CD22: variants seen among roughly 807,000 people sequenced by gnomAD.
CD22 encodes CD22 molecule, also known as B-cell receptor CD22.
A neutral mutation model predicts 94.7 loss-of-function variants in CD22; 51 were observed. That is an observed-to-expected ratio of 0.54 (90% CI 0.43 to 0.68). The LOEUF is 0.68. CD22 is among the 30% of genes least tolerant of loss of function. The probability of loss-of-function intolerance (pLI) is 0.00; values close to 1 mark genes in which losing one functional copy is unlikely to be tolerated. For synonymous variants in CD22, 424 were observed against 422.5 expected (o/e 1.00, Z -0.04); for missense variants, 931 against 1,060.4 (o/e 0.88, Z 1.69).
intron 9 of CD22, among the ~76,000 whole-genome samples, chr19:35,342,535 C>T (rs1419515860): frequency 6.6e-6 from 1 of 152,072 alleles, no homozygotes; most frequent in African/African-American, 2.4e-5. Context: ...CCTTCCAGAC[C>T]AGCTGGCCCC....
In CD22 at chr19:35,345,097, G is replaced by A. The variant is rs148431287; in HGVS notation, c.2179G>A (p.Gly727Ser). Residue 727 changes from glycine (G) to serine (S), a missense_variant, in exon 11 of 14, where the codon GGC becomes AGC. Gly to Ser is a moderately conservative substitution (Grantham distance 56, BLOSUM62 0). Coordinates refer to ENST00000085219, the MANE Select transcript of CD22 (RefSeq NM_001771.4). ...GCAGGGGCTTCAGGAGAATTCCAGC[G>A]GCCAGAGCTTCTTTGTGAGGAATAA... ...SQQGLQENSS[G>S]QSFFVRNKKV... 499 of 1,613,964 alleles carry A rather than the reference G, an allele frequency of 3.1e-4. 5 individuals are homozygous for A. In the South Asian group the frequency reaches 4.2e-3, roughly 13 times the overall value.
intron 13 of CD22, 119 bp from the exon 14 acceptor site, chr19:35,346,447 C>G (rs1045328207): frequency 1.4e-6 from 2 of 1,388,408 alleles, no homozygotes; most frequent in Non-Finnish European, 2.0e-6. Context: ...TTTCCTGACA[C>G]GAGGACACCC....
At chr19:35,334,903 C>T (rs921276127) in intron 3 of CD22, among the ~76,000 whole-genome samples, 8 of 151,644 alleles carry the variant, frequency 5.3e-5, no homozygotes, top group African/African-American at 1.9e-4. Flanking sequence ...ACAGTGAAAC[C>T]CTGTCTCTAC....
At chr19:35,331,811 C>A in intron 1 of CD22, 1 of 970,138 alleles carries the variant, frequency 1.0e-6, no homozygotes, top group Non-Finnish European at 1.4e-6. Flanking sequence ...CACACCACTG[C>A]ACTCTAGCCT....
In CD22 at chr19:35,329,194, G is replaced by A. The variant is rs1172079649; in HGVS notation, c.-59G>A. 8.5e-6 allele frequency: 11 copies of A among 1,289,470 alleles called. No homozygotes were observed. The highest frequency in any genetic ancestry group is 1.1e-5 in the Non-Finnish European group (11 of 988,686). The allele number at this position is 1,289,470 out of a possible 1,614,324, so 79.9% of individuals were successfully genotyped here. ...ACTTCTCCTTTTGCTCTCAGATGCT[G>A]CCAGGGTCCCTGAAGAGGGAAGACA... On this transcript the variant is annotated 5_prime_UTR_variant, in exon 1 of 14. Coordinates refer to ENST00000085219, the MANE Select transcript of CD22 (RefSeq NM_001771.4).
At chr19:35,339,858 A>T (rs574482619) in intron 6 of CD22, among the ~76,000 whole-genome samples, 6 of 152,256 alleles carry the variant, frequency 3.9e-5, no homozygotes, top group African/African-American at 1.2e-4. Flanking sequence ...GTCTCCAAAA[A>T]AAAAGAATAA....
chr19:35,334,821 G>C (rs1049686292), intron 3 of CD22, among the ~76,000 whole-genome samples: 2 of 151,952 alleles, frequency 1.3e-5, no homozygotes, highest in African/African-American at 2.4e-5. Context: ...GCTCACGCCT[G>C]TAATCCCAGA....
In CD22 at chr19:35,332,562, C is replaced by T. The variant is rs1402165599; in HGVS notation, c.50C>T (p.Ala17Val). 8 of 1,612,898 alleles carry T rather than the reference C, an allele frequency of 5.0e-6. No individual in the cohort carries two copies. Among genetic ancestry groups the T allele is most frequent in the Non-Finnish European group, 6.8e-6 (8 of 1,179,502 alleles). Residue 17 changes from alanine to valine, a missense_variant, in exon 3 of 14, where the codon GCT (alanine) becomes GTT (valine). Coordinates refer to ENST00000085219, the MANE Select transcript of CD22 (RefSeq NM_001771.4). Reference protein sequence around the residue: ...WLLLLVLEYLAFSDSSKWVFE... With the variant: ...WLLLLVLEYLVFSDSSKWVFE... ...CTGTGGTGAGTTCTAGAATACTTGG[C>T]TTTCTCTGACTCAAGTAAATGGGTT...
Position 35,332,710 on chromosome 19 carries a change from G to C in CD22, c.198G>C (p.Lys66Asn), listed in dbSNP as rs754753405. 2.5e-6 allele frequency: 4 copies of C among 1,614,002 alleles called. No homozygotes were observed. Among genetic ancestry groups the C allele is most frequent in the Non-Finnish European group, 3.4e-6 (4 of 1,180,040 alleles). ...FILFHNPEYNKNTSKFDGTRL... is the reference protein window; with the variant it reads ...FILFHNPEYNNNTSKFDGTRL... ...TGTTCCACAATCCTGAGTATAACAA[G>C]AACACCTCGAAGTTTGATGGGACAA... is the stretch of plus-strand genomic sequence containing the variant. Residue 66 changes from lysine (K) to asparagine (N), a missense_variant, in exon 3 of 14, where the codon AAG becomes AAC. Transcript: ENST00000085219.
At chr19:35,344,585 A>C (rs1480389634) in intron 9 of CD22, 1 of 482,110 alleles carries the variant, frequency 2.1e-6, no homozygotes, top group East Asian at 3.4e-5. Context: ...GGTGCGGGTC[A>C]CAGGCTCTGG....
At chr19:35,342,053 C>CCTTCCTTT in intron 9 of CD22, 88 bp downstream of exon 9, 4 of 922,744 alleles carry the variant, frequency 4.3e-6, no homozygotes, top group Admixed American at 2.8e-5. Flanking sequence ...TTCCTTCCTT[C>CCTTCCTTT]CTTTCTTTCT....
intron 3 of CD22, among the ~76,000 whole-genome samples, chr19:35,334,619 G>A (rs1033412987): frequency 6.6e-6 from 1 of 152,204 alleles, no homozygotes; most frequent in African/African-American, 2.4e-5. Flanking sequence ...CTGTCTGAAG[G>A]AGGTGGTCCA....
chr19:35,345,069 C>A lies in CD22; in HGVS notation c.2151C>A (p.Ser717Arg). The change falls in exon 11 of 14, where the codon AGC becomes AGA. Residue 717 changes from serine to arginine, a missense_variant. Transcript: ENST00000085219. ...KLQRRWKRTQSQQGLQENSSG... is the reference protein window; with the variant it reads ...KLQRRWKRTQRQQGLQENSSG... ...TTCTCAGTTGGAAGAGGACACAGAGCCAGCAGGGGCTTCAGGAGAATTCCA... is the reference window on the plus strand; with the variant it reads ...TTCTCAGTTGGAAGAGGACACAGAGACAGCAGGGGCTTCAGGAGAATTCCA... 6.2e-7 allele frequency: 1 copy of A among 1,614,026 alleles called. No individual in the cohort carries two copies. The highest frequency in any genetic ancestry group is 8.5e-7 in the Non-Finnish European group (1 of 1,179,958).
At chr19:35,340,409 A>C (rs955187339) in intron 6 of CD22, among the ~76,000 whole-genome samples, 5 of 152,156 alleles carry the variant, frequency 3.3e-5, no homozygotes, top group African/African-American at 4.8e-5. Flanking sequence ...CGACCACCTG[A>C]GTAGCTGGGA....
rs748665551 is a variant in CD22, at chr19:35,346,736, G to A, written c.*39G>A. 15 of 1,557,026 alleles carry A rather than the reference G, an allele frequency of 9.6e-6. No homozygotes were observed. The highest frequency in any genetic ancestry group is 1.9e-5 in the Admixed American group (1 of 51,664). ...GCAGCAGAGGCACTGGGGGCAGCGG[G>A]GGCCAGGGAAGTCCCCGAGTTTCCC... On this transcript the variant is annotated 3_prime_UTR_variant, in exon 14 of 14. Transcript: ENST00000085219.
chr19:35,336,297 A>T lies in CD22; in HGVS notation c.674A>T (p.Asp225Val). 1.9e-6 allele frequency: 3 copies of T among 1,614,228 alleles called. No individual in the cohort carries two copies. The highest frequency in any genetic ancestry group is 2.5e-6 in the Non-Finnish European group (3 of 1,180,034). ...KIVTCQLQDA[D>V]GKFLSNDTVQ... ...GTGACCTGCCAGCTTCAGGATGCAGATGGGAAGTTCCTCTCCAATGACACG... is the reference window on the plus strand; with the variant it reads ...GTGACCTGCCAGCTTCAGGATGCAGTTGGGAAGTTCCTCTCCAATGACACG... The change falls in exon 4 of 14, where the codon GAT (aspartate) becomes GTT (valine). Residue 225 changes from aspartate (D) to valine (V), a missense_variant. By Grantham distance (152) the Asp-to-Val change is radical. Transcript: ENST00000085219.
chr19:35,346,013 G>C (rs776881995), intron 12 of CD22, 138 bp from the exon 13 acceptor site: 13 of 694,322 alleles, frequency 1.9e-5, no homozygotes, highest in Non-Finnish European at 3.1e-5. Flanking sequence ...CCTACTGTGA[G>C]CTTTGGGCAC....
Position 35,341,681 on chromosome 19 carries a change from C to G in CD22, c.1772-21C>G, listed in dbSNP as rs1461253895. 3 of 1,606,842 alleles carry G rather than the reference C, an allele frequency of 1.9e-6. No individual in the cohort carries two copies. Among genetic ancestry groups the G allele is most frequent in the Admixed American group, 1.7e-5 (1 of 59,840 alleles). On this transcript the variant is annotated intron_variant, in intron 8 of 13. Transcript: ENST00000085219. This position sits in a 1 kb window ranked among gnomAD's most constrained non-coding sequence, Gnocchi z 4.0. ...CTGCCTGGTAGTGACTTCGCACCCC[C>G]TCCCCCTGCCCGCCATGCAGATGCA...
At chr19:35,342,060 T>TCCTC (rs1201790382) in intron 9 of CD22, 95 bp downstream of exon 9, 2 of 1,104,394 alleles carry the variant, frequency 1.8e-6, no homozygotes, top group Non-Finnish European at 1.3e-6. Flanking sequence ...CTTCCTTTCT[T>TCCTC]TCTCTCTTTC....
Sources: allele counts gnomAD v4.1 joint callset (sites outside exome capture counted in the v4.1 genomes callset), GRCh38; gene constraint gnomAD v4.1.1; non-coding constraint Gnocchi (gnomAD v3.1); transcripts MANE v1.5; gene names NCBI Gene and HGNC (gene_info 2026-07-23, HGNC 2026-07-21).